Variants in KLHL1 observed in about 807,000 individuals in gnomAD.
The protein encoded by KLHL1 is kelch like family member 1.
Under a neutral mutation model 77.7 loss-of-function variants are expected in KLHL1, and 47 were observed. The ratio of observed to expected loss-of-function variants is 0.60; its 90% confidence interval spans 0.48 to 0.77. The LOEUF (loss-of-function observed/expected upper bound fraction) is 0.77, where lower values mean the gene tolerates loss of function less well. Ranked by LOEUF, KLHL1 falls within the 30% of genes least tolerant of loss-of-function variation. The pLI is 0.00. For synonymous variants in KLHL1, 360 were observed against 325.2 expected (o/e 1.11, Z -1.15); for missense variants, 925 against 910.8 (o/e 1.02, Z -0.20).
chr13:69,845,740 A>G (rs1197849677), intron 5 of KLHL1, among the ~76,000 whole-genome samples: 3 of 151,564 alleles, frequency 2.0e-5, no homozygotes, highest in Non-Finnish European at 3.0e-5. Context: ...ATTTCTATGA[A>G]GGTAATGAAC....
rs114602629 is a variant in KLHL1 at position 69,759,272 on chromosome 13, G to A, written c.1640-18716C>T. Among the ~76,000 whole-genome samples, 618 of 152,218 alleles carry A rather than the reference G, an allele frequency of 4.1e-3. 7 individuals carry two copies. Among genetic ancestry groups the A allele is most frequent in the African/African-American group, 0.014 (593 of 41,536 alleles). On this transcript the variant is annotated intron_variant, in intron 7 of 10. Transcript: ENST00000377844. ...TAAGCTCACAGTAAGATGTGTGCAA[G>A]GCTCTGGGGGTGCCCAGCAGCCATC...
chr13:69,714,422 C>T (rs922382759), intron 9 of KLHL1, among the ~76,000 whole-genome samples: 1 of 151,952 alleles, frequency 6.6e-6, no homozygotes, highest in East Asian at 1.9e-4. Flanking sequence ...ATGGATTATA[C>T]CCAGGAAATC....
chr13:69,907,480 AT>A (rs1438200330), intron 4 of KLHL1, among the ~76,000 whole-genome samples: 1 of 152,000 alleles, frequency 6.6e-6, no homozygotes, highest in Admixed American at 6.6e-5. Flanking sequence ...TGTTAATAAC[AT>A]TTGTGTTTAT....
intron 7 of KLHL1, among the ~76,000 whole-genome samples, chr13:69,766,274 C>CATAAACTA (rs577637103): frequency 0.011 from 1,729 of 152,090 alleles, 35 homozygotes; most frequent in African/African-American, 0.039. Context: ...ATAAGTTTTT[C>CATAAACTA]ATAAACTACA....
intron 4 of KLHL1, among the ~76,000 whole-genome samples, chr13:69,899,709 A>C (rs1307901156): frequency 6.6e-6 from 1 of 152,128 alleles, no homozygotes; most frequent in African/African-American, 2.4e-5. Context: ...GATGCCGGAA[A>C]GGAACAATAG....
chr13:69,770,401 A>G (rs1465712111), intron 7 of KLHL1, among the ~76,000 whole-genome samples: 1 of 152,228 alleles, frequency 6.6e-6, no homozygotes, highest in Non-Finnish European at 1.5e-5. Context: ...TGGAACCAAA[A>G]CTATCCTACG....
chr13:69,712,492 A>G (rs1054896156), intron 9 of KLHL1, among the ~76,000 whole-genome samples: 1 of 151,976 alleles, frequency 6.6e-6, no homozygotes, highest in South Asian at 2.1e-4. Flanking sequence ...AAGATTCTTT[A>G]TATGTGTGAT....
At chr13:69,821,565 T>C (rs1050646033) in intron 6 of KLHL1, among the ~76,000 whole-genome samples, 9 of 152,166 alleles carry the variant, frequency 5.9e-5, no homozygotes, top group Admixed American at 3.9e-4. Context: ...TCCGCCCTCC[T>C]TGGCCTCCCA....
intron 3 of KLHL1, among the ~76,000 whole-genome samples, chr13:69,959,110 T>A (rs984502698): frequency 1.3e-5 from 2 of 152,058 alleles, no homozygotes; most frequent in African/African-American, 4.8e-5. Context: ...AAAGTGGCAG[T>A]GGCAGCTGAG....
chr13:69,786,022 A>C (rs186713498), intron 7 of KLHL1, among the ~76,000 whole-genome samples: 1 of 152,128 alleles, frequency 6.6e-6, no homozygotes, highest in East Asian at 1.9e-4. Flanking sequence ...TCAACAGCTT[A>C]CCCCCCAAAA....
rs924588660 is a variant in KLHL1, at chr13:69,938,414, T to C, written c.1014+1626A>G. 5.9e-5 allele frequency among the ~76,000 whole-genome samples: 9 copies of C among 152,142 alleles called. No individual in the cohort carries two copies. In the East Asian group the frequency reaches 7.7e-4, roughly 13 times the overall value. ...TTTCTGTTTTAAATATATTTTCCTA[T>C]GAAGCATACCTTTTAAAGTCTCTGA... On this transcript the variant is annotated intron_variant, in intron 4 of 10. Transcript: ENST00000377844.
intron 1 of KLHL1, among the ~76,000 whole-genome samples, chr13:70,095,062 G>T (rs565478179): frequency 6.6e-6 from 1 of 152,232 alleles, no homozygotes; most frequent in African/African-American, 2.4e-5. Flanking sequence ...CTCCAACGTA[G>T]AATTGATTTA....
At position 69,997,727 on chromosome 13, in the gene KLHL1, TTAA is replaced by T. The variant is rs1382285504; in HGVS notation, c.498-21928_498-21926del. Among the ~76,000 whole-genome samples the T allele has an allele frequency of 5.4e-5, 8 of 147,852 alleles. No individual in the cohort carries two copies. In the East Asian group the frequency reaches 5.9e-4, roughly 11 times the overall value. On this transcript the variant is annotated intron_variant, in intron 1 of 10. Transcript: ENST00000377844. Reference sequence around the variant, plus strand: ...CATTGATATTACATAAACATATGTATTAATAAACATATTTATATTATATGAATA... The same window carrying T: ...CATTGATATTACATAAACATATGTATTAAACATATTTATATTATATGAATA...
chr13:70,087,475 T>A (rs1176736805), intron 1 of KLHL1, among the ~76,000 whole-genome samples: 1 of 151,780 alleles, frequency 6.6e-6, no homozygotes, highest in African/African-American at 2.4e-5. Context: ...TAACAGGAGT[T>A]TCACAAGGAG....
chr13:70,059,264 T>A (rs903594443), intron 1 of KLHL1, among the ~76,000 whole-genome samples: 15 of 151,976 alleles, frequency 9.9e-5, no homozygotes, highest in Non-Finnish European at 1.9e-4. Flanking sequence ...GTTCAAATGA[T>A]TGTCCTGGCT....
intron 8 of KLHL1, among the ~76,000 whole-genome samples, chr13:69,732,916 C>T (rs2137917167): frequency 6.6e-6 from 1 of 152,196 alleles, no homozygotes; most frequent in African/African-American, 2.4e-5. Flanking sequence ...TTTCAGTGCA[C>T]AGGGCCCTTC....
chr13:69,777,819 C>A (rs933967967), intron 7 of KLHL1, among the ~76,000 whole-genome samples: 1 of 152,100 alleles, frequency 6.6e-6, no homozygotes, highest in Non-Finnish European at 1.5e-5. Flanking sequence ...CTAATCTGGA[C>A]TTCCTACTCA....
chr13:70,048,375 AT>A (rs1886549903), intron 1 of KLHL1, among the ~76,000 whole-genome samples: 3 of 152,222 alleles, frequency 2.0e-5, no homozygotes, highest in Admixed American at 2.0e-4. Context: ...CTTTAACTAT[AT>A]TTGAATGATG....
chr13:69,817,292 T>C (rs1005775264), intron 6 of KLHL1, among the ~76,000 whole-genome samples: 11 of 152,246 alleles, frequency 7.2e-5, no homozygotes, highest in African/African-American at 2.7e-4. Context: ...AATTAGGTTC[T>C]AGTATTCCTG....
Sources: gnomAD v4.1 joint callset for allele counts (sites outside exome capture counted in the v4.1 genomes callset) on GRCh38, gnomAD v4.1.1 for gene constraint, MANE v1.5 for transcripts, NCBI Gene and HGNC (gene_info 2026-07-23, HGNC 2026-07-21) for gene names.